The following PLA2R1 variants were observed in gnomAD, a reference collection of about 807,000 sequenced individuals.
The protein encoded by PLA2R1 is secretory phospholipase A2 receptor.
PLA2R1 carries 158 observed loss-of-function variants against 195.9 expected under a neutral mutation model. That is an observed-to-expected ratio of 0.81 (90% CI 0.71 to 0.92). PLA2R1 has a LOEUF of 0.92. Ranked by LOEUF, PLA2R1 falls within the 40% of genes least tolerant of loss-of-function variation. The probability of loss-of-function intolerance (pLI) is 0.00; values close to 1 mark genes in which losing one functional copy is unlikely to be tolerated. For synonymous variants in PLA2R1, 586 were observed against 598.2 expected (o/e 0.98, Z 0.30); for missense variants, 1,626 against 1,764.6 (o/e 0.92, Z 1.41).
At position 160,021,109 on chromosome 2, in the gene PLA2R1, G is replaced by T. The variant is rs932513128; in HGVS notation, c.1295-846C>A. On this transcript the variant is annotated intron_variant, in intron 7 of 29. Transcript: ENST00000283243. ...TTAATGATAGTCTAGCTTAAAGATA[G>T]GAGTTTTTTTTTCCCCAACAGATGT... Among the ~76,000 whole-genome samples, 10 of 152,130 alleles carry T rather than the reference G, an allele frequency of 6.6e-5. No homozygotes were observed. The East Asian group carries it at 1.3e-3, about 20-fold the overall frequency.
chr2:160,027,775 T>A (rs535142623), intron 6 of PLA2R1, among the ~76,000 whole-genome samples: 1 of 152,326 alleles, frequency 6.6e-6, no homozygotes, highest in South Asian at 2.1e-4. Flanking sequence ...AAGTTCTGCA[T>A]GTAATTTCAG....
At chr2:160,002,876 T>C (rs1371875025) in intron 11 of PLA2R1, among the ~76,000 whole-genome samples, 1 of 152,046 alleles carries the variant, frequency 6.6e-6, no homozygotes, top group Non-Finnish European at 1.5e-5. Context: ...TTCAGAGTGT[T>C]GAGTAAAATT....
rs765139340 is a variant in PLA2R1 at position 160,042,149 on chromosome 2, G to A, written c.543C>T (p.Pro181=). The A allele has an allele frequency of 5.0e-6, 8 of 1,613,974 alleles. No homozygotes were observed. Among genetic ancestry groups the A allele is most frequent in the Non-Finnish European group, 6.8e-6 (8 of 1,179,910 alleles). Residue 181 remains proline, a synonymous_variant, in exon 3 of 30, where the codon CCC becomes CCT. Transcript: ENST00000283243. ...GATGCCACTGATGGTTATACTGGAA[G>A]GGAAACATACACGGCATCCCGTGGG... is the stretch of plus-strand genomic sequence containing the variant. ...GNTHGMPCMF[P]FQYNHQWHHE...
intron 11 of PLA2R1, among the ~76,000 whole-genome samples, chr2:159,998,535 C>T (rs1691381899): frequency 6.6e-6 from 1 of 152,122 alleles, no homozygotes; most frequent in Admixed American, 6.6e-5. Flanking sequence ...CAATGAAGAA[C>T]ACTTCCGATC....
At chr2:159,960,958 T>C (rs1408505828) in intron 20 of PLA2R1, among the ~76,000 whole-genome samples, 4 of 152,192 alleles carry the variant, frequency 2.6e-5, no homozygotes, top group Non-Finnish European at 5.9e-5. Context: ...TCCATCATTG[T>C]TATCTCCCAG....
chr2:160,021,637 G>C (rs1212742451), intron 7 of PLA2R1, among the ~76,000 whole-genome samples: 1 of 152,172 alleles, frequency 6.6e-6, no homozygotes, highest in Non-Finnish European at 1.5e-5. Flanking sequence ...AGGTAGCAGA[G>C]GTGAGGCTGA....
intron 8 of PLA2R1, 125 bp downstream of exon 8, chr2:160,019,981 A>G: frequency 1.6e-6 from 1 of 607,920 alleles, no homozygotes; most frequent in East Asian, 2.7e-5. Context: ...GCTCTCTAAC[A>G]TGGAAGGCCC....
At position 159,983,453 on chromosome 2, in the gene PLA2R1, CTTT is replaced by C. The variant is rs3062423; in HGVS notation, c.2183+472_2183+474del. On this transcript the variant is annotated intron_variant, in intron 13 of 29. Transcript: ENST00000283243. ...AATTAAAAAAAAAATTACTGGGACT[CTTT>C]TTTTTTTTTTTTCCAAACAAAATCT... 3.0e-3 allele frequency among the ~76,000 whole-genome samples: 417 copies of C among 140,112 alleles called. 1 individual carries two copies. The highest frequency in any genetic ancestry group is 9.9e-3 in the African/African-American group (390 of 39,208). The allele number at this position is 140,112 out of a possible 152,430, so 91.9% of individuals were successfully genotyped here.
rs1690419787 is a variant in PLA2R1 at position 159,987,294 on chromosome 2, GTGCTTCAC to G, written c.1891_1898del (p.Val631LeufsTer5). ...AGGACATTGCCTTAAAGTGCCGACA[GTGCTTCAC>G]TTCCCAGCGACCAAGTGGATGCCTT... On this transcript the variant is annotated frameshift_variant, in exon 12 of 30. Transcript: ENST00000283243. LOFTEE classifies it high-confidence loss of function. 6.2e-7 allele frequency: 1 copy of G among 1,612,688 alleles called. No homozygotes were observed. The highest frequency in any genetic ancestry group is 1.1e-5 in the South Asian group (1 of 91,010).
At chr2:159,971,478 A>T (rs1014171891) in intron 17 of PLA2R1, among the ~76,000 whole-genome samples, 12 of 125,694 alleles carry the variant, frequency 9.5e-5, no homozygotes, top group African/African-American at 2.7e-4. Context: ...GTGCGCGCAC[A>T]CACACACACA....
chr2:160,041,318 G>A (rs1315151471), intron 3 of PLA2R1, among the ~76,000 whole-genome samples: 1 of 152,018 alleles, frequency 6.6e-6, no homozygotes, highest in Non-Finnish European at 1.5e-5. Flanking sequence ...GAAAGTAGGA[G>A]GCATATATAA....
At chr2:159,973,723 G>A (rs1689347301) in intron 17 of PLA2R1, among the ~76,000 whole-genome samples, 1 of 152,056 alleles carries the variant, frequency 6.6e-6, no homozygotes, top group Non-Finnish European at 1.5e-5. Flanking sequence ...CAGTCCCCTG[G>A]CCCTGTTCTC....
At position 159,940,794 on chromosome 2, in the gene PLA2R1, A is replaced by G. The variant is rs1687050105; in HGVS notation, c.*984T>C. On this transcript the variant is annotated 3_prime_UTR_variant, in exon 30 of 30. Transcript: ENST00000283243. Reference sequence around the variant, plus strand: ...TAGAACACCTAAACTCATTTACATAATAAAGATATCTAGATTACTAATTTA... The same window carrying G: ...TAGAACACCTAAACTCATTTACATAGTAAAGATATCTAGATTACTAATTTA... The G allele has an allele frequency of 6.6e-6, 1 of 152,216 alleles. No individual in the cohort carries two copies. The highest frequency in any genetic ancestry group is 1.5e-5 in the Non-Finnish European group (1 of 68,048). 9.4% of individuals were successfully genotyped at this position (152,216 alleles called of 1,614,324 possible). A position where few individuals can be genotyped will look rare whatever the true frequency, so the allele number is the denominator to read the frequency against.
In PLA2R1 at chr2:160,025,062, G is replaced by A. The variant is rs183966917; in HGVS notation, c.1100-2203C>T. On this transcript the variant is annotated intron_variant, in intron 6 of 29. Transcript: ENST00000283243. ...TGGTTCTGCTTCCCAAGTTACAGCC[G>A]TGCCCTGTTCCCTGGAGCCAAACCT... is the stretch of plus-strand genomic sequence containing the variant. Among the ~76,000 whole-genome samples the A allele has an allele frequency of 3.9e-5, 6 of 152,270 alleles. No individual in the cohort carries two copies. The South Asian group carries it at 6.2e-4, about 16-fold the overall frequency.
chr2:159,994,236 C>T (rs572117691), intron 11 of PLA2R1, among the ~76,000 whole-genome samples: 31 of 151,774 alleles, frequency 2.0e-4, no homozygotes, highest in Non-Finnish European at 3.5e-4. Flanking sequence ...TAGAGTAACA[C>T]ATTAAACAAT....
In PLA2R1 at chr2:159,977,411, G is replaced by A; in HGVS notation, c.2274C>T (p.Val758=). The A allele has an allele frequency of 6.2e-7, 1 of 1,613,040 alleles. No individual in the cohort carries two copies. The highest frequency in any genetic ancestry group is 8.5e-7 in the Non-Finnish European group (1 of 1,179,372). The change falls in exon 15 of 30, where the codon GTC becomes GTT. Residue 758 remains valine (V), a synonymous_variant. Transcript: ENST00000283243. ...SWEWSDRTPV[V]SSFLDNTYFG... is the part of the protein sequence containing the mutation. ...AATAAGTGTTGTCTAAAAACGAAGA[G>A]ACAACCTGCAGCAGATGAAGTTCAT...
chr2:160,008,095 A>T (rs905200994), intron 10 of PLA2R1, among the ~76,000 whole-genome samples: 4 of 152,224 alleles, frequency 2.6e-5, no homozygotes, highest in Non-Finnish European at 5.9e-5. Context: ...TGAGCCCAGG[A>T]GCTCAACACC....
At chr2:160,003,814 T>C (rs1691777122) in intron 11 of PLA2R1, among the ~76,000 whole-genome samples, 1 of 152,136 alleles carries the variant, frequency 6.6e-6, no homozygotes, top group Non-Finnish European at 1.5e-5. Flanking sequence ...GAAATGAAAA[T>C]GAATTTCACC....
chr2:160,003,551 C>G (rs1445723121), intron 11 of PLA2R1, among the ~76,000 whole-genome samples: 1 of 151,942 alleles, frequency 6.6e-6, no homozygotes, highest in Non-Finnish European at 1.5e-5. Context: ...AAAAATTGCT[C>G]AAATAACTAA....
Sources: gnomAD v4.1 joint callset for allele counts (sites outside exome capture counted in the v4.1 genomes callset) on GRCh38, gnomAD v4.1.1 for gene constraint, MANE v1.5 for transcripts, NCBI Gene and HGNC (gene_info 2026-07-23, HGNC 2026-07-21) for gene names.